Variants in ERGIC1 observed in about 807,000 individuals in gnomAD.
ERGIC1 encodes the protein endoplasmic reticulum-golgi intermediate compartment 1.
A neutral mutation model predicts 38.3 loss-of-function variants in ERGIC1; 19 were observed. The ratio of observed to expected loss-of-function variants is 0.50; its 90% CI spans 0.35 to 0.73. The LOEUF (loss-of-function observed/expected upper bound fraction) is 0.73, where lower values mean the gene tolerates loss of function less well. Among genes scored for constraint, ERGIC1 ranks in the 30% least tolerant of loss-of-function variants. The pLI, the probability that ERGIC1 is intolerant of heterozygous loss-of-function variation, is 0.01. For missense variants in ERGIC1, 294 were observed against 389.2 expected (o/e 0.76, Z 2.06); for synonymous variants, 124 against 157.6 (o/e 0.79, Z 1.60).
Position 172,952,070 on chromosome 5 carries a change from A to C in ERGIC1, c.*1254A>C, listed in dbSNP as rs930679842. 1.3e-5 allele frequency: 2 copies of C among 152,150 alleles called. No individual in the cohort carries two copies. The highest frequency in any genetic ancestry group is 4.8e-5 in the African/African-American group (2 of 41,426). 9.4% of individuals were successfully genotyped at this position (152,150 alleles called of 1,614,324 possible). A position where few individuals can be genotyped will look rare whatever the true frequency, so the allele number is the denominator to read the frequency against. ...TCCTTTCCCTTTTGTCCTGAAAGGG[A>C]GGAGCAATGGTCCAGGCATTAATTC... On this transcript the variant is annotated 3_prime_UTR_variant, in exon 10 of 10. Transcript: ENST00000393784.
Position 172,851,140 on chromosome 5 carries a change from G to T in ERGIC1, c.20+16707G>T, listed in dbSNP as rs1200895996. On this transcript the variant is annotated intron_variant, in intron 1 of 9. Coordinates refer to ENST00000393784, the MANE Select transcript of ERGIC1 (RefSeq NM_001031711.3). ...CCCTTGAACCCGGGAGGTGGAGCTT[G>T]CAGTGAGCCGAGATTGCACAACTGC... 3.3e-5 allele frequency among the ~76,000 whole-genome samples: 5 copies of T among 149,380 alleles called. No homozygotes were observed. The East Asian group carries it at 9.8e-4, about 29-fold the overall frequency.
At chr5:172,871,965 C>T (rs1762022025) in intron 1 of ERGIC1, among the ~76,000 whole-genome samples, 1 of 152,204 alleles carries the variant, frequency 6.6e-6, no homozygotes, top group African/African-American at 2.4e-5. Flanking sequence ...TCCTAAAGCC[C>T]TTTTGCCTGG....
At chr5:172,909,983 T>A (rs1163343208) in intron 4 of ERGIC1, among the ~76,000 whole-genome samples, 3 of 152,168 alleles carry the variant, frequency 2.0e-5, no homozygotes, top group Non-Finnish European at 4.4e-5. Context: ...AGCAGCTGAT[T>A]TGGTGCAGGG....
intron 1 of ERGIC1, among the ~76,000 whole-genome samples, chr5:172,877,458 A>ATATTT (rs58452182): frequency 1.2e-4 from 10 of 86,624 alleles, no homozygotes; most frequent in African/African-American, 3.0e-4. Flanking sequence ...ATATATATAT[A>ATATTT]TTTTTTTTTT....
intron 1 of ERGIC1, among the ~76,000 whole-genome samples, chr5:172,881,413 T>C (rs965223550): frequency 6.6e-6 from 1 of 152,172 alleles, no homozygotes; most frequent in Admixed American, 6.5e-5. Context: ...GATCCATTCA[T>C]GGACTCAGTT....
At chr5:172,859,270 G>T (rs1283251305) in intron 1 of ERGIC1, among the ~76,000 whole-genome samples, 1 of 152,132 alleles carries the variant, frequency 6.6e-6, no homozygotes, top group Non-Finnish European at 1.5e-5. Context: ...GGCCTGGCCA[G>T]CTGGTCATTC....
At chr5:172,901,229 G>A (rs1241086459) in intron 3 of ERGIC1, among the ~76,000 whole-genome samples, 1 of 152,216 alleles carries the variant, frequency 6.6e-6, no homozygotes, top group African/African-American at 2.4e-5. Flanking sequence ...GCTTATTCTG[G>A]CCTGGGCCTG....
At chr5:172,922,274 G>T in intron 5 of ERGIC1, 1 of 152,250 alleles carries the variant, frequency 6.6e-6, no homozygotes, top group East Asian at 1.9e-4. Context: ...TCTGTAAAAT[G>T]GGAATTATCA....
intron 1 of ERGIC1, among the ~76,000 whole-genome samples, chr5:172,854,076 A>G (rs554570181): frequency 2.6e-5 from 4 of 152,284 alleles, no homozygotes; most frequent in South Asian, 2.1e-4. Context: ...CTCTACCCCC[A>G]TTTTAGAGAT....
chr5:172,932,454 A>G lies in ERGIC1; in HGVS notation c.560A>G (p.Tyr187Cys), dbSNP rs778930431. 6.2e-7 allele frequency: 1 copy of G among 1,614,166 alleles called. No individual in the cohort carries two copies. The highest frequency in any genetic ancestry group is 1.7e-5 in the Admixed American group (1 of 60,028). Reference sequence around the variant, plus strand: ...CCCGCAGCCCTGGCCTCCCACGACTACATCCTGAAGATTGTGCCCACGGTT... The same window carrying G: ...CCCGCAGCCCTGGCCTCCCACGACTGCATCCTGAAGATTGTGCCCACGGTT... ...LTSNPLASHD[Y>C]ILKIVPTVYE... Residue 187 changes from tyrosine to cysteine, a missense_variant, in exon 8 of 10, where the codon TAC becomes TGC. Transcript: ENST00000393784.
chr5:172,930,866 C>T (rs914254171), intron 7 of ERGIC1, among the ~76,000 whole-genome samples: 2 of 152,136 alleles, frequency 1.3e-5, no homozygotes, highest in Admixed American at 6.5e-5. Context: ...CCAAATGATT[C>T]GACTGCTTCT....
At chr5:172,908,607 G>A (rs1763118148) in intron 3 of ERGIC1, among the ~76,000 whole-genome samples, 1 of 152,026 alleles carries the variant, frequency 6.6e-6, no homozygotes, top group South Asian at 2.1e-4. Flanking sequence ...GTGGAGGTCA[G>A]AGAAGGGGGA....
intron 1 of ERGIC1, among the ~76,000 whole-genome samples, chr5:172,843,908 G>A (rs1761222350): frequency 1.3e-5 from 2 of 152,354 alleles, no homozygotes; most frequent in Middle Eastern, 6.8e-3. Context: ...GTGAGGGTGA[G>A]ATGAGCTCAT....
At position 172,919,713 on chromosome 5, in the gene ERGIC1, A is replaced by G. The variant is rs531952224; in HGVS notation, c.376-4292A>G. ...ACAAACTCTGCAGTAGAGACTGGAC[A>G]AGCATCCTGGCCTGCCTCATCTCCC... On this transcript the variant is annotated intron_variant, in intron 5 of 9. Coordinates refer to ENST00000393784, the MANE Select transcript of ERGIC1 (RefSeq NM_001031711.3). 1.4e-4 allele frequency among the ~76,000 whole-genome samples: 21 copies of G among 152,326 alleles called. No individual in the cohort carries two copies. In the East Asian group the frequency reaches 3.5e-3, roughly 25 times the overall value.
chr5:172,873,179 A>G (rs1762060368), intron 1 of ERGIC1, among the ~76,000 whole-genome samples: 1 of 152,222 alleles, frequency 6.6e-6, no homozygotes, highest in Non-Finnish European at 1.5e-5. Flanking sequence ...CCCTCTAAGA[A>G]TACATTTCCA....
intron 9 of ERGIC1, among the ~76,000 whole-genome samples, chr5:172,940,948 G>A (rs534308197): frequency 3.3e-4 from 51 of 152,340 alleles, no homozygotes; most frequent in Non-Finnish European, 5.9e-4. Context: ...GGACACAGGT[G>A]CTCAGAAATG....
At chr5:172,888,605 T>C in intron 1 of ERGIC1, 94 bp from the exon 2 acceptor site, 1 of 981,728 alleles carries the variant, frequency 1.0e-6, no homozygotes, top group Non-Finnish European at 1.7e-6. Context: ...CATGGTTTGT[T>C]GAACCATGTG....
intron 5 of ERGIC1, chr5:172,922,379 A>T (rs1277326748): frequency 6.6e-6 from 1 of 152,464 alleles, no homozygotes; most frequent in East Asian, 1.9e-4. Flanking sequence ...GAGTCTGGGG[A>T]GCACAGCAGG....
intron 9 of ERGIC1, among the ~76,000 whole-genome samples, chr5:172,942,714 C>A (rs1764038190): frequency 6.6e-6 from 1 of 152,194 alleles, no homozygotes; most frequent in African/African-American, 2.4e-5. Flanking sequence ...TTGCTCCAAA[C>A]TGGGTCTGTA....
Sources: allele counts gnomAD v4.1 joint callset (sites outside exome capture counted in the v4.1 genomes callset), GRCh38; gene constraint gnomAD v4.1.1; transcripts MANE v1.5; gene names NCBI Gene and HGNC (gene_info 2026-07-23, HGNC 2026-07-21).